Variants in ERO1A observed in about 807,000 individuals in gnomAD.
ERO1A encodes ERO1-like protein alpha.
ERO1A carries 49 observed loss-of-function variants against 76.9 expected under a neutral mutation model. That is an observed-to-expected ratio of 0.64 (90% CI 0.51 to 0.81). ERO1A has a LOEUF of 0.81. ERO1A is among the 30% of genes least tolerant of loss of function. ERO1A has a pLI of 0.00. For synonymous variants in ERO1A, 174 were observed against 181.2 expected, an observed-to-expected ratio of 0.96 and a Z score of 0.32; for missense variants, 448 against 542.1, an observed-to-expected ratio of 0.83 and a Z score of 1.72.
rs746798760 is a variant in ERO1A, at chr14:52,666,484, G to A, written c.520C>T (p.Pro174Ser). 9.3e-6 allele frequency: 15 copies of A among 1,605,082 alleles called. No homozygotes were observed. Among genetic ancestry groups the A allele is most frequent in the Non-Finnish European group, 1.2e-5 (14 of 1,177,534 alleles). The change falls in exon 7 of 16, where the codon CCT becomes TCT. Residue 174 changes from proline (P) to serine (S), a missense_variant. Pro to Ser is a moderately conservative substitution (Grantham distance 74). Transcript: ENST00000395686. ...AGCAAATCTACATATTCAGCTTCAG[G>A]GGACTGAATGTCTGTAAAATAAAAT... ...NFCEADDIQS[P>S]EAEYVDLLLN...
chr14:52,660,794 T>G (rs2040206371), intron 9 of ERO1A, among the ~76,000 whole-genome samples: 1 of 152,198 alleles, frequency 6.6e-6, no homozygotes, highest in African/African-American at 2.4e-5. Flanking sequence ...TCATTTCATT[T>G]TCACCCTTAA....
At chr14:52,654,784 G>A (rs907659573) in intron 11 of ERO1A, among the ~76,000 whole-genome samples, 3 of 152,082 alleles carry the variant, frequency 2.0e-5, no homozygotes, top group African/African-American at 7.2e-5. Context: ...GTCCTATTAT[G>A]TGTCTTCTAA....
At chr14:52,689,049 A>C (rs1479277471) in intron 1 of ERO1A, among the ~76,000 whole-genome samples, 1 of 152,074 alleles carries the variant, frequency 6.6e-6, no homozygotes, top group Non-Finnish European at 1.5e-5. Context: ...TCTGCCTCCC[A>C]GGTGCAAGAG....
At position 52,682,181 on chromosome 14, in the gene ERO1A, C is replaced by G; in HGVS notation, c.318+144G>C. On this transcript the variant is annotated intron_variant, in intron 3 of 15. Coordinates refer to ENST00000395686, the MANE Select transcript of ERO1A (RefSeq NM_014584.3). Reference sequence around the variant, plus strand: ...GGCTAAGGCAGATGGATTGTTTGAGCCCAGAAATTCAAGACCAACCTGGGC... The same window carrying G: ...GGCTAAGGCAGATGGATTGTTTGAGGCCAGAAATTCAAGACCAACCTGGGC... 3 of 594,062 alleles carry G rather than the reference C, an allele frequency of 5.0e-6. No homozygotes were observed. In the Admixed American group the frequency reaches 9.6e-5, roughly 19 times the overall value. The allele number at this position is 594,062 out of a possible 1,614,324, so 36.8% of individuals were successfully genotyped here.
chr14:52,653,184 C>T lies in ERO1A; in HGVS notation c.940G>A (p.Ala314Thr), dbSNP rs758763441. 3 of 1,613,620 alleles carry T rather than the reference C, an allele frequency of 1.9e-6. No homozygotes were observed. The highest frequency in any genetic ancestry group is 1.7e-4 in the Middle Eastern group (1 of 6,058). Residue 314 changes from alanine (A) to threonine (T), a missense_variant, in exon 12 of 16, where the codon GCT (alanine) becomes ACT (threonine). Transcript: ENST00000395686. ...AAGAATGGTAACACTTTGGATAAAG[C>T]CCTTAGTTCTATTAAGTAGAGAAAA... Reference protein sequence around the residue: ...LYFLYLIELRALSKVLPFFER... With the variant: ...LYFLYLIELRTLSKVLPFFER...
chr14:52,644,191 T>C (rs958698505), intron 15 of ERO1A, among the ~76,000 whole-genome samples: 16 of 152,258 alleles, frequency 1.1e-4, no homozygotes, highest in Admixed American at 4.6e-4. Flanking sequence ...CAGTAGCTCA[T>C]GTCTGTAATC....
intron 15 of ERO1A, among the ~76,000 whole-genome samples, chr14:52,644,290 T>C (rs965019498): frequency 1.1e-4 from 16 of 151,712 alleles, no homozygotes; most frequent in African/African-American, 3.4e-4. Flanking sequence ...CTTCTCTCTA[T>C]GAAAAACAAG....
intron 3 of ERO1A, among the ~76,000 whole-genome samples, chr14:52,680,843 C>A (rs2040969903): frequency 6.6e-6 from 1 of 152,030 alleles, no homozygotes; most frequent in Non-Finnish European, 1.5e-5. Context: ...GTAAAATGCC[C>A]ATAAATAGTA....
At chr14:52,692,176 A>G (rs890116408) in intron 1 of ERO1A, among the ~76,000 whole-genome samples, 1 of 152,240 alleles carries the variant, frequency 6.6e-6, no homozygotes. Flanking sequence ...TTGAGCACCA[A>G]TTATTCACCA....
chr14:52,665,281 A>G (rs1414800065), intron 7 of ERO1A, among the ~76,000 whole-genome samples: 1 of 136,210 alleles, frequency 7.3e-6, no homozygotes, highest in Non-Finnish European at 1.6e-5. Context: ...TGGGCAACAG[A>G]GTGAGACTTC....
At chr14:52,673,734 T>G (rs2040688286) in intron 4 of ERO1A, among the ~76,000 whole-genome samples, 1 of 86,176 alleles carries the variant, frequency 1.2e-5, no homozygotes, top group South Asian at 5.2e-4. Flanking sequence ...CATACTAATT[T>G]TAACAATTAC....
In ERO1A at chr14:52,663,819, G is replaced by A; in HGVS notation, c.658C>T (p.Pro220Ser). Residue 220 changes from proline to serine, a missense_variant, in exon 8 of 16, where the codon CCT becomes TCT. Transcript: ENST00000395686. ...AATTTACCTTGACCAGAAGCCAAAG[G>A]ATTTAAAGGTCTTTTAATTGTCTGT... ...KPQTIKRPLN[P>S]LASGQGTSEE... 6.4e-7 allele frequency: 1 copy of A among 1,570,424 alleles called. No homozygotes were observed. The highest frequency in any genetic ancestry group is 8.7e-7 in the Non-Finnish European group (1 of 1,143,026).
chr14:52,666,887 C>A (rs2040431264), intron 6 of ERO1A, among the ~76,000 whole-genome samples: 1 of 152,086 alleles, frequency 6.6e-6, no homozygotes, highest in Non-Finnish European at 1.5e-5. Flanking sequence ...GCCGAGATTG[C>A]GCCACTGTGC....
chr14:52,653,829 T>A (rs1012356115), intron 11 of ERO1A, among the ~76,000 whole-genome samples: 18 of 152,142 alleles, frequency 1.2e-4, no homozygotes, highest in African/African-American at 3.9e-4. Flanking sequence ...TTTAAAAAAA[T>A]TTGTTATGTA....
chr14:52,658,069 T>G, intron 10 of ERO1A, 55 bp downstream of exon 10: 6 of 1,503,200 alleles, frequency 4.0e-6, no homozygotes, highest in Non-Finnish European at 5.5e-6. Flanking sequence ...AGACATAAAA[T>G]TAATCTCATG....
In ERO1A at chr14:52,640,495, A is replaced by G. The variant is rs1322034292; in HGVS notation, c.*3075T>C. On this transcript the variant is annotated 3_prime_UTR_variant, in exon 16 of 16. Coordinates refer to ENST00000395686, the MANE Select transcript of ERO1A (RefSeq NM_014584.3). ...ACACATCAGAAGACCTTGTACACCA[A>G]ACAGAGGAGTTTGGCTTTCTCCTGA... The G allele has an allele frequency of 6.6e-6, 1 of 152,208 alleles. No individual in the cohort carries two copies. The highest frequency in any genetic ancestry group is 1.5e-5 in the Non-Finnish European group (1 of 68,046). 9.4% of individuals were successfully genotyped at this position (152,208 alleles called of 1,614,324 possible). A position where few individuals can be genotyped will look rare whatever the true frequency, so the allele number is the denominator to read the frequency against.
At chr14:52,656,090 T>A (rs992631631) in intron 11 of ERO1A, among the ~76,000 whole-genome samples, 2 of 152,200 alleles carry the variant, frequency 1.3e-5, no homozygotes, top group Non-Finnish European at 2.9e-5. Context: ...CTCTTGAACT[T>A]CTATTAACTA....
In ERO1A at chr14:52,658,026, A is replaced by T. The variant is rs1224603163; in HGVS notation, c.716-17T>A. ...CACAGAGACCTAAGAAAAAGCAGTG[A>T]CTTAGAAATAAAATTTCATATGTGA... On this transcript the variant is annotated splice_polypyrimidine_tract_variant and intron_variant, in intron 10 of 15. Coordinates refer to ENST00000395686, the MANE Select transcript of ERO1A (RefSeq NM_014584.3). 2.6e-6 allele frequency: 4 copies of T among 1,568,398 alleles called. No individual in the cohort carries two copies. Among genetic ancestry groups the T allele is most frequent in the Admixed American group, 1.8e-5 (1 of 57,096 alleles).
chr14:52,678,408 A>C (rs1158211517), intron 4 of ERO1A, 26 bp downstream of exon 4: 3 of 1,600,376 alleles, frequency 1.9e-6, no homozygotes, highest in Non-Finnish European at 2.6e-6. Flanking sequence ...AAGATACTGG[A>C]CACATCAATA....
Sources: allele counts gnomAD v4.1 joint callset (sites outside exome capture counted in the v4.1 genomes callset), GRCh38; gene constraint gnomAD v4.1.1; transcripts MANE v1.5; gene names NCBI Gene and HGNC (gene_info 2026-07-23, HGNC 2026-07-21).